ZNF860: variants seen among roughly 807,000 people sequenced by gnomAD.
The protein encoded by ZNF860 is zinc finger protein 860.
For missense variants in ZNF860, 641 were observed against 759.2 expected (o/e 0.84, Z 1.83); for synonymous variants, 206 against 248.9 (o/e 0.83, Z 1.62).
the ZNF860 span, among the ~76,000 whole-genome samples, chr3:32,003,679 G>C: frequency 2.6e-5 from 4 of 152,158 alleles, no homozygotes; most frequent in African/African-American, 7.2e-5. Context: ...AACCAATCAG[G>C]AACAAAGGGC....
chr3:31,983,466 T>C (rs1195829987), intron 1 of ZNF860, among the ~76,000 whole-genome samples: 1 of 152,164 alleles, frequency 6.6e-6, no homozygotes, highest in Non-Finnish European at 1.5e-5. Flanking sequence ...ACCCTTGAGA[T>C]AGACCAGTTC....
downstream of ZNF860, among the ~76,000 whole-genome samples, chr3:31,992,722 G>A (rs1296191603): frequency 2.6e-5 from 4 of 152,174 alleles, no homozygotes; most frequent in African/African-American, 9.7e-5. Context: ...GGCCAGGCAT[G>A]GTGACTCATG....
chr3:31,999,037 T>C, the ZNF860 span, among the ~76,000 whole-genome samples: 1 of 152,194 alleles, frequency 6.6e-6, no homozygotes, highest in East Asian at 1.9e-4. Flanking sequence ...ATTTACAAAT[T>C]TGTATCAGCC....
At chr3:32,005,372 T>C in the ZNF860 span, among the ~76,000 whole-genome samples, 1 of 152,170 alleles carries the variant, frequency 6.6e-6, no homozygotes, top group Non-Finnish European at 1.5e-5. Context: ...AATGCTCAGA[T>C]GCCTCCAATT....
the ZNF860 span, among the ~76,000 whole-genome samples, chr3:31,996,819 A>G: frequency 1.1e-4 from 16 of 152,170 alleles, no homozygotes; most frequent in African/African-American, 3.1e-4. Flanking sequence ...AAAACAAAAA[A>G]AACTTGACAA....
chr3:31,990,818 C>A lies in ZNF860; in HGVS notation c.1739C>A (p.Ser580Tyr). 6.2e-7 allele frequency: 1 copy of A among 1,600,406 alleles called. No individual in the cohort carries two copies. The highest frequency in any genetic ancestry group is 8.5e-7 in the Non-Finnish European group (1 of 1,172,678). Residue 580 changes from serine to tyrosine, a missense_variant, in exon 2 of 2, where the codon TCT becomes TAT. Ser to Tyr is a moderately radical substitution (Grantham distance 144). Coordinates refer to ENST00000360311, the MANE Select transcript of ZNF860 (RefSeq NM_001137674.3). Reference sequence around the variant, plus strand: ...GACGAGGCCTTCAGTCAAGCTTCATCTTATGCAAAACAAAGGAGAATTCAT... The same window carrying A: ...GACGAGGCCTTCAGTCAAGCTTCATATTATGCAAAACAAAGGAGAATTCAT... ...DFDEAFSQAS[S>Y]YAKQRRIHMG...
chr3:31,982,348 G>T (rs1288524541), intron 1 of ZNF860, among the ~76,000 whole-genome samples: 1 of 152,082 alleles, frequency 6.6e-6, no homozygotes, highest in Non-Finnish European at 1.5e-5. Flanking sequence ...GAGGAACTCA[G>T]ACTCTCTCTC....
At chr3:31,994,995 C>A (rs35522757), downstream of ZNF860, among the ~76,000 whole-genome samples, 52,279 of 151,968 alleles carry the variant, frequency 0.34, 12,509 homozygotes, top group African/African-American at 0.68. Context: ...AGTTTTTATT[C>A]AGGATTTCAA....
chr3:32,005,063 T>C, the ZNF860 span, among the ~76,000 whole-genome samples: 1 of 152,104 alleles, frequency 6.6e-6, no homozygotes, highest in Non-Finnish European at 1.5e-5. Flanking sequence ...ACTCAACACT[T>C]TTTTTTATTA....
rs1157640062 is a variant in ZNF860 at position 31,991,721 on chromosome 3, A to T, written c.*743A>T. The T allele has an allele frequency of 6.4e-6, 1 of 157,150 alleles. No individual in the cohort carries two copies. Among genetic ancestry groups the T allele is most frequent in the Non-Finnish European group, 1.5e-5 (1 of 68,068 alleles). The allele number at this position is 157,150 out of a possible 1,614,324, so 9.7% of individuals were successfully genotyped here. A position where few individuals can be genotyped will look rare whatever the true frequency, so the allele number is the denominator to read the frequency against. On this transcript the variant is annotated 3_prime_UTR_variant, in exon 2 of 2. Coordinates refer to ENST00000360311, the MANE Select transcript of ZNF860 (RefSeq NM_001137674.3). ...TTTACTTCTTTCTTTCTGAAAAAAA[A>T]AATGGATAACTAATACAGATGCCTA...
chr3:32,002,502 C>A, the ZNF860 span, among the ~76,000 whole-genome samples: 2 of 152,144 alleles, frequency 1.3e-5, no homozygotes, highest in Non-Finnish European at 2.9e-5. Context: ...GACCCAGGAA[C>A]CTGTTTGCTG....
intron 1 of ZNF860, among the ~76,000 whole-genome samples, chr3:31,987,660 G>T (rs1051171880): frequency 2.0e-5 from 3 of 152,328 alleles, no homozygotes; most frequent in South Asian, 4.1e-4. Context: ...GCCAGCCCAG[G>T]CTTGTTTTCA....
intron 1 of ZNF860, among the ~76,000 whole-genome samples, chr3:31,984,334 C>T (rs1157711491): frequency 6.6e-6 from 1 of 151,222 alleles, no homozygotes; most frequent in Non-Finnish European, 1.5e-5. Flanking sequence ...GCCACCGTAC[C>T]GGGCCCACCT....
chr3:31,999,668 C>T, the ZNF860 span, among the ~76,000 whole-genome samples: 7 of 152,158 alleles, frequency 4.6e-5, no homozygotes, highest in African/African-American at 1.4e-4. Context: ...GCCTCAAAAT[C>T]ATTTTTAAAA....
At chr3:31,995,582 A>C (rs1054972645), downstream of ZNF860, among the ~76,000 whole-genome samples, 2 of 152,216 alleles carry the variant, frequency 1.3e-5, no homozygotes, top group African/African-American at 4.8e-5. Context: ...CATGTTTTAC[A>C]ATCAATTTGT....
the ZNF860 span, among the ~76,000 whole-genome samples, chr3:32,001,887 A>T: frequency 4.3e-4 from 65 of 152,230 alleles, no homozygotes; most frequent in African/African-American, 1.4e-3. Flanking sequence ...CTCTTGGACA[A>T]TTTTTTTCTG....
At chr3:31,986,888 T>C (rs1183743024) in intron 1 of ZNF860, among the ~76,000 whole-genome samples, 3 of 152,030 alleles carry the variant, frequency 2.0e-5, no homozygotes, top group South Asian at 2.1e-4. Context: ...GTACCTGTAG[T>C]CCCAGCTACT....
At chr3:31,985,867 A>G (rs987178984) in intron 1 of ZNF860, among the ~76,000 whole-genome samples, 4 of 152,174 alleles carry the variant, frequency 2.6e-5, no homozygotes, top group Non-Finnish European at 4.4e-5. Context: ...CAACAACCAC[A>G]TGAGGAGATC....
At chr3:31,998,047 C>T in the ZNF860 span, among the ~76,000 whole-genome samples, 1 of 152,120 alleles carries the variant, frequency 6.6e-6, no homozygotes, top group Non-Finnish European at 1.5e-5. Flanking sequence ...CCCGCCTCGG[C>T]CTCCTGAAGT....
Sources: allele counts gnomAD v4.1 joint callset (sites outside exome capture counted in the v4.1 genomes callset), GRCh38; gene constraint gnomAD v4.1.1; transcripts MANE v1.5; gene names NCBI Gene and HGNC (gene_info 2026-07-23, HGNC 2026-07-21).